The following DNAAF4 variants were observed in gnomAD, a reference collection of about 807,000 sequenced individuals.
The protein encoded by DNAAF4 is dynein axonemal assembly factor 4.
DNAAF4 carries 43 observed loss-of-function variants against 51.8 expected under a neutral mutation model. That is an observed-to-expected ratio of 0.83 (90% CI 0.65 to 1.07). DNAAF4 has a LOEUF of 1.07. Among genes scored for constraint, DNAAF4 ranks in the 50% least tolerant of loss-of-function variants. The probability of loss-of-function intolerance (pLI) is 0.00; values close to 1 mark genes in which losing one functional copy is unlikely to be tolerated. For missense variants in DNAAF4, 581 were observed against 493.0 expected (o/e 1.18, Z -1.69); for synonymous variants, 194 against 165.6 (o/e 1.17, Z -1.32).
rs2141400709 is a variant in DNAAF4 at position 55,432,607 on chromosome 15, C to T, written c.1048-5G>A. 6.3e-7 allele frequency: 1 copy of T among 1,599,890 alleles called. No individual in the cohort carries two copies. Among genetic ancestry groups the T allele is most frequent in the Non-Finnish European group, 8.5e-7 (1 of 1,170,532 alleles). The stretch of plus-strand genomic sequence containing the variant: ...TGGCATCAATAATTCCAGTGCCTTA[C>T]AAAATATATATAATTATTACAAGAA... On this transcript the variant is annotated splice_region_variant and splice_polypyrimidine_tract_variant and intron_variant, in intron 8 of 9. Coordinates refer to ENST00000321149, the MANE Select transcript of DNAAF4 (RefSeq NM_130810.4).
rs551664366 is a variant in DNAAF4 at position 55,431,536 on chromosome 15, G to A, written c.1154-757C>T. Among the ~76,000 whole-genome samples the A allele has an allele frequency of 3.9e-3, 585 of 148,604 alleles. 5 individuals are homozygous for A. The highest frequency in any genetic ancestry group is 0.014 in the African/African-American group (560 of 40,226). ...GTCACCCAGGCTGTAGCGCAGTGGC[G>A]TGATCTTGGCTCACTGCAAGCTCTG... On this transcript the variant is annotated intron_variant, in intron 9 of 9. Transcript: ENST00000321149.
At chr15:55,494,205 T>A (rs373485909) in intron 3 of DNAAF4, among the ~76,000 whole-genome samples, 16 of 151,992 alleles carry the variant, frequency 1.1e-4, no homozygotes, top group Admixed American at 5.9e-4. Flanking sequence ...AATTTTGTAT[T>A]TTTAGTAGAG....
Position 55,450,294 on chromosome 15 carries a change from AC to A in DNAAF4, c.710del (p.Ser237IlefsTer20), listed in dbSNP as rs1442731754. ...DSIPAPRSVG[S>X]IKINFTPRVF... is the part of the protein sequence containing the mutation. Reference sequence around the variant, plus strand: ...CTCGAGGGGTAAAGTTGATTTTAATACTGCCAACAGAGCGAGGAGCAGGAAT... The same window carrying A: ...CTCGAGGGGTAAAGTTGATTTTAATATGCCAACAGAGCGAGGAGCAGGAAT... On this transcript the variant is annotated frameshift_variant, in exon 6 of 10. Coordinates refer to ENST00000321149, the MANE Select transcript of DNAAF4 (RefSeq NM_130810.4). LOFTEE classifies it high-confidence loss of function. The A allele has an allele frequency of 6.2e-7, 1 of 1,614,068 alleles. No homozygotes were observed. Among genetic ancestry groups the A allele is most frequent in the East Asian group, 2.2e-5 (1 of 44,864 alleles).
chr15:55,455,684 G>A (rs1231748920), intron 5 of DNAAF4, among the ~76,000 whole-genome samples: 1 of 151,762 alleles, frequency 6.6e-6, no homozygotes, highest in Non-Finnish European at 1.5e-5. Context: ...TGCCCACCTC[G>A]GCCTCCCAAA....
In DNAAF4 at chr15:55,464,904, G is replaced by A. The variant is rs188722842; in HGVS notation, c.637+2026C>T. ...TGGGAGGCAGAGGTTGTGGTGAGCC[G>A]AGATCGTGCCATTGCACTCCAGCCT... On this transcript the variant is annotated intron_variant, in intron 5 of 9. Transcript: ENST00000321149. 1.5e-3 allele frequency among the ~76,000 whole-genome samples: 223 copies of A among 152,282 alleles called. 2 individuals are homozygous for A. The highest frequency in any genetic ancestry group is 5.1e-3 in the African/African-American group (213 of 41,566).
At chr15:55,487,209 G>A (rs757506377) in intron 4 of DNAAF4, among the ~76,000 whole-genome samples, 7 of 151,928 alleles carry the variant, frequency 4.6e-5, no homozygotes, top group Non-Finnish European at 5.9e-5. Context: ...ACCAATCAGC[G>A]CTCTGTGTCT....
chr15:55,478,443 T>C (rs980747473), intron 4 of DNAAF4, among the ~76,000 whole-genome samples: 1 of 152,170 alleles, frequency 6.6e-6, no homozygotes, highest in East Asian at 1.9e-4. Context: ...TTCTGGACCA[T>C]GTCAACAAAC....
At chr15:55,418,494 A>G in intron 7 of DNAAF4, 1 of 1,528,536 alleles carries the variant, frequency 6.5e-7, no homozygotes, top group Non-Finnish European at 8.8e-7. Context: ...ACTGGATTTT[A>G]TCAAAATAAC....
intron 5 of DNAAF4, among the ~76,000 whole-genome samples, chr15:55,463,667 A>T (rs1396206715): frequency 6.6e-6 from 1 of 151,700 alleles, no homozygotes; most frequent in East Asian, 1.9e-4. Context: ...AATCACATCA[A>T]GAACTCAACC....
At position 55,473,198 on chromosome 15, in the gene DNAAF4, A is replaced by AAAAAAAAAT. The variant is rs1209754897; in HGVS notation, c.406-6038_406-6037insATTTTTTTT. Reference sequence around the variant, plus strand: ...ACAAAAAAAAAACCTAAAAAAAAAAAATATATATATATATATATATATATG... The same window carrying AAAAAAAAAT: ...ACAAAAAAAAAACCTAAAAAAAAAAAAAAAAAAATATATATATATATATATATATATATG... On this transcript the variant is annotated intron_variant, in intron 4 of 9. Transcript: ENST00000321149. Among the ~76,000 whole-genome samples the AAAAAAAAAT allele has an allele frequency of 1.7e-3, 126 of 75,742 alleles. 3 individuals are homozygous for AAAAAAAAAT. In the East Asian group the frequency reaches 0.019, roughly 11 times the overall value. The allele number at this position is 75,742 out of a possible 152,430, so 49.7% of individuals were successfully genotyped here.
chr15:55,483,417 T>C (rs561102149), intron 4 of DNAAF4, among the ~76,000 whole-genome samples: 12 of 152,190 alleles, frequency 7.9e-5, no homozygotes, highest in Non-Finnish European at 1.6e-4. Flanking sequence ...TTTATGGTTA[T>C]GAAATGTTCC....
At chr15:55,451,244 T>C (rs149043438) in intron 5 of DNAAF4, among the ~76,000 whole-genome samples, 1 of 152,372 alleles carries the variant, frequency 6.6e-6, no homozygotes, top group East Asian at 1.9e-4. Context: ...GATGGCCTTG[T>C]AGAACACAGT....
intron 7 of DNAAF4, among the ~76,000 whole-genome samples, chr15:55,419,975 C>T (rs553744474): frequency 5.3e-5 from 8 of 151,998 alleles, no homozygotes; most frequent in African/African-American, 1.9e-4. Context: ...TGCACTCCAA[C>T]CTGGGCAACA....
intron 1 of DNAAF4, among the ~76,000 whole-genome samples, chr15:55,500,965 C>G (rs2058693830): frequency 7.3e-6 from 1 of 136,874 alleles, no homozygotes; most frequent in South Asian, 2.3e-4. Context: ...GCACTCCAGC[C>G]TGAGCAACAA....
intron 7 of DNAAF4, among the ~76,000 whole-genome samples, chr15:55,436,718 C>T (rs997192943): frequency 3.3e-5 from 5 of 152,222 alleles, no homozygotes; most frequent in Admixed American, 2.0e-4. Context: ...TTGGGTTTCA[C>T]CATATTGGCC....
At chr15:55,437,872 C>G (rs183938974) in intron 7 of DNAAF4, among the ~76,000 whole-genome samples, 70 of 152,278 alleles carry the variant, frequency 4.6e-4, no homozygotes, top group African/African-American at 1.6e-3. Flanking sequence ...TTTTGGACTT[C>G]TGAATTACAG....
intron 9 of DNAAF4, among the ~76,000 whole-genome samples, chr15:55,431,933 A>G (rs2057502198): frequency 6.6e-6 from 1 of 151,718 alleles, no homozygotes; most frequent in Admixed American, 6.6e-5. Context: ...ACACGTTTCT[A>G]TGAAGAGTTG....
At chr15:55,462,396 T>C (rs1048715821) in intron 5 of DNAAF4, among the ~76,000 whole-genome samples, 1 of 152,082 alleles carries the variant, frequency 6.6e-6, no homozygotes, top group Non-Finnish European at 1.5e-5. Flanking sequence ...TTCACCACGT[T>C]GGGCAGGCTG....
At chr15:55,432,876 G>T (rs1566999565) in intron 8 of DNAAF4, among the ~76,000 whole-genome samples, 1 of 152,032 alleles carries the variant, frequency 6.6e-6, no homozygotes, top group Non-Finnish European at 1.5e-5. Flanking sequence ...CTTGAACCAG[G>T]GAGGCAGAGC....
Sources: allele counts gnomAD v4.1 joint callset (sites outside exome capture counted in the v4.1 genomes callset), GRCh38; gene constraint gnomAD v4.1.1; transcripts MANE v1.5; gene names NCBI Gene and HGNC (gene_info 2026-07-23, HGNC 2026-07-21).